The following RSRC1 variants were observed in gnomAD, a reference collection of about 807,000 sequenced individuals.
RSRC1 encodes the protein serine/Arginine-related protein 53.
A neutral mutation model predicts 49.1 loss-of-function variants in RSRC1; 39 were observed. That is an observed-to-expected ratio of 0.79 (90% CI 0.61 to 1.04). RSRC1 has a LOEUF of 1.04. Ranked by LOEUF, RSRC1 falls within the 50% of genes least tolerant of loss-of-function variation. The pLI is 0.00. For missense variants in RSRC1, 388 were observed against 402.4 expected (o/e 0.96, Z 0.31); for synonymous variants, 143 against 130.8 (o/e 1.09, Z -0.63).
At chr3:158,243,610 CA>C (rs1424977724) in intron 4 of RSRC1, among the ~76,000 whole-genome samples, 1 of 152,138 alleles carries the variant, frequency 6.6e-6, no homozygotes, top group Non-Finnish European at 1.5e-5. Context: ...ATAGCAATAG[CA>C]CTGAATCTAT....
chr3:158,462,873 A>G lies in RSRC1; in HGVS notation c.652+1870A>G, dbSNP rs187710286. Among the ~76,000 whole-genome samples the G allele has an allele frequency of 1.2e-3, 188 of 152,130 alleles. 2 individuals carry two copies. Among genetic ancestry groups the G allele is most frequent in the Admixed American group, 0.01 (153 of 15,256 alleles). ...ACCTTTTTTCTTTCAGTTCCTGAGA[A>G]TTGTTGAAAAAGCATATTCCTCCAA... On this transcript the variant is annotated intron_variant, in intron 7 of 9. Coordinates refer to ENST00000611884, the MANE Select transcript of RSRC1 (RefSeq NM_001271838.2).
chr3:158,483,679 A>C (rs960073312), intron 7 of RSRC1, among the ~76,000 whole-genome samples: 1 of 152,096 alleles, frequency 6.6e-6, no homozygotes, highest in South Asian at 2.1e-4. Flanking sequence ...GCAAGGAAAT[A>C]AATGTAATCT....
chr3:158,415,657 A>G (rs554445721), intron 6 of RSRC1, among the ~76,000 whole-genome samples: 6 of 152,164 alleles, frequency 3.9e-5, no homozygotes, highest in East Asian at 3.9e-4. Context: ...TAATAGTGCT[A>G]TGTGAGTCAA....
chr3:158,260,700 T>C (rs1724845165), intron 4 of RSRC1, among the ~76,000 whole-genome samples: 1 of 152,328 alleles, frequency 6.6e-6, no homozygotes, highest in South Asian at 2.1e-4. Context: ...CAGGCTACTT[T>C]AGCCCATATT....
At chr3:158,444,789 AAG>A (rs1736597937) in intron 6 of RSRC1, among the ~76,000 whole-genome samples, 1 of 152,186 alleles carries the variant, frequency 6.6e-6, no homozygotes, top group Non-Finnish European at 1.5e-5. Context: ...AGAATCTACA[AAG>A]AACTCAAACA....
intron 1 of RSRC1, among the ~76,000 whole-genome samples, chr3:158,120,882 A>G (rs1315956726): frequency 6.8e-6 from 1 of 146,750 alleles, no homozygotes; most frequent in Non-Finnish European, 1.5e-5. Context: ...AAGATAACTA[A>G]TAACTATTTT....
chr3:158,466,252 CTT>C lies in RSRC1; in HGVS notation c.652+5251_652+5252del, dbSNP rs1338634078. On this transcript the variant is annotated intron_variant, in intron 7 of 9. Coordinates refer to ENST00000611884, the MANE Select transcript of RSRC1 (RefSeq NM_001271838.2). ...TGCTTCATACACATTCAGCTATACT[CTT>C]TATGGAATTGGAAGCCAATTTAGAT... 3.9e-5 allele frequency among the ~76,000 whole-genome samples: 6 copies of C among 152,128 alleles called. No individual in the cohort carries two copies. The East Asian group carries it at 1.2e-3, about 29-fold the overall frequency.
intron 5 of RSRC1, among the ~76,000 whole-genome samples, chr3:158,300,870 G>A (rs1426725697): frequency 2.0e-5 from 3 of 152,050 alleles, no homozygotes; most frequent in African/African-American, 4.8e-5. Context: ...TTGCTACCAG[G>A]TAACATAGTT....
chr3:158,534,118 T>C (rs1033679677), intron 7 of RSRC1, among the ~76,000 whole-genome samples: 2 of 151,618 alleles, frequency 1.3e-5, no homozygotes, highest in Non-Finnish European at 3.0e-5. Flanking sequence ...CATTCTCATC[T>C]GATTATTTCT....
chr3:158,535,413 A>C (rs1484720826), intron 7 of RSRC1, among the ~76,000 whole-genome samples: 1 of 151,476 alleles, frequency 6.6e-6, no homozygotes, highest in African/African-American at 2.4e-5. Context: ...AAAATCTTTA[A>C]TTTGATTGGT....
chr3:158,347,182 T>G lies in RSRC1; in HGVS notation c.532-7675T>G, dbSNP rs549049700. Among the ~76,000 whole-genome samples, 19 of 152,334 alleles carry G rather than the reference T, an allele frequency of 1.2e-4. No individual in the cohort carries two copies. The South Asian group carries it at 3.1e-3, about 25-fold the overall frequency. On this transcript the variant is annotated intron_variant, in intron 5 of 9. Transcript: ENST00000611884. ...GTTATTTTGACTCTCTCTCTCTGAT[T>G]ATACTGTAAGATCCTTGAAGTCAGG... is the stretch of plus-strand genomic sequence containing the variant.
intron 7 of RSRC1, among the ~76,000 whole-genome samples, chr3:158,526,712 T>C (rs1214833993): frequency 1.3e-5 from 2 of 151,992 alleles, no homozygotes; most frequent in Admixed American, 6.6e-5. Flanking sequence ...CATGGGGCCA[T>C]AGACTATTTT....
intron 5 of RSRC1, chr3:158,302,942 G>A (rs1727645807): frequency 6.6e-6 from 1 of 152,002 alleles, no homozygotes; most frequent in Admixed American, 6.6e-5. Context: ...TGGGATTACA[G>A]GCATGAGCAA....
At chr3:158,349,153 C>G (rs1286301386) in intron 5 of RSRC1, among the ~76,000 whole-genome samples, 2 of 151,864 alleles carry the variant, frequency 1.3e-5, no homozygotes, top group Non-Finnish European at 2.9e-5. Flanking sequence ...CTACTGTTTT[C>G]CACAGAGGTT....
chr3:158,180,867 C>CA (rs1719572318), intron 3 of RSRC1, among the ~76,000 whole-genome samples: 1 of 145,416 alleles, frequency 6.9e-6, no homozygotes, highest in Admixed American at 7.1e-5. Context: ...TGCAATGGCG[C>CA]AATCTCGGCT....
intron 2 of RSRC1, among the ~76,000 whole-genome samples, chr3:158,123,374 CA>C (rs1559908965): frequency 6.6e-6 from 1 of 152,090 alleles, no homozygotes; most frequent in African/African-American, 2.4e-5. Flanking sequence ...GCGGTGCAGT[CA>C]TATCTTTTGG....
intron 3 of RSRC1, among the ~76,000 whole-genome samples, chr3:158,138,704 T>G (rs1226204624): frequency 6.6e-6 from 1 of 152,250 alleles, no homozygotes; most frequent in Non-Finnish European, 1.5e-5. Context: ...TATAACAAAC[T>G]ATAGAAAATA....
intron 6 of RSRC1, among the ~76,000 whole-genome samples, chr3:158,426,677 TGAATATAGTGA>T (rs1318343099): frequency 6.6e-6 from 1 of 151,738 alleles, no homozygotes; most frequent in East Asian, 1.9e-4. Context: ...AAAGATCCAA[TGAATATAGTGA>T]GATAGAAGTC....
intron 4 of RSRC1, among the ~76,000 whole-genome samples, chr3:158,253,023 A>G (rs1245956042): frequency 2.1e-5 from 3 of 145,494 alleles, no homozygotes; most frequent in African/African-American, 5.2e-5. Flanking sequence ...TTCTTTTCAG[A>G]AAATGAACTT....
Sources: allele counts gnomAD v4.1 joint callset (sites outside exome capture counted in the v4.1 genomes callset), GRCh38; gene constraint gnomAD v4.1.1; transcripts MANE v1.5; gene names NCBI Gene and HGNC (gene_info 2026-07-23, HGNC 2026-07-21).